The following ZNF385D variants were observed in gnomAD, a reference collection of about 807,000 sequenced individuals.
The protein encoded by ZNF385D is zinc finger protein 385D.
ZNF385D carries 15 observed loss-of-function variants against 35.8 expected under a neutral mutation model. The ratio of observed to expected loss-of-function variants is 0.42; its 90% CI spans 0.28 to 0.64. The LOEUF (loss-of-function observed/expected upper bound fraction) is 0.64, where lower values mean the gene tolerates loss of function less well. Ranked by LOEUF, ZNF385D falls within the 30% of genes least tolerant of loss-of-function variation. The pLI is 0.23. For missense variants in ZNF385D, 474 were observed against 494.6 expected (o/e 0.96, Z 0.39); for synonymous variants, 212 against 186.8 (o/e 1.13, Z -1.10).
intron 2 of ZNF385D, among the ~76,000 whole-genome samples, chr3:21,604,655 C>G (rs1372355799): frequency 2.6e-5 from 4 of 152,044 alleles, no homozygotes; most frequent in African/African-American, 9.7e-5. Context: ...AATAGCGGTT[C>G]TGGTGATGAG....
At chr3:21,731,157 A>G (rs2068978151) in intron 1 of ZNF385D, among the ~76,000 whole-genome samples, 2 of 152,174 alleles carry the variant, frequency 1.3e-5, no homozygotes. Context: ...GTACTTAAGA[A>G]TGGCCCTTCC....
intron 2 of ZNF385D, among the ~76,000 whole-genome samples, chr3:21,566,849 C>G (rs1194595756): frequency 6.6e-6 from 1 of 152,134 alleles, no homozygotes; most frequent in African/African-American, 2.4e-5. Flanking sequence ...TCATTCTCTG[C>G]CTCCTCCTCC....
chr3:22,087,831 C>G (rs946535781), intron 3 of ZNF385D, among the ~76,000 whole-genome samples: 3 of 151,990 alleles, frequency 2.0e-5, no homozygotes, highest in East Asian at 1.9e-4. Flanking sequence ...TTAAAAAAAG[C>G]AGAGTATAGG....
intron 3 of ZNF385D, among the ~76,000 whole-genome samples, chr3:21,796,072 G>C (rs567979706): frequency 6.6e-6 from 1 of 152,224 alleles, no homozygotes; most frequent in South Asian, 2.1e-4. Flanking sequence ...CTTGGCATTT[G>C]GATCTCGACA....
rs1445121712 is a variant in ZNF385D at position 21,986,005 on chromosome 3, G to A, written c.325+182812C>T. On this transcript the variant is annotated intron_variant, in intron 3 of 5. Transcript: ENST00000494108. ...GGTAGTTTGTATTTCTGTGGGATTG[G>A]TGGTGATATCCCCTTTATCATTTTT... Among the ~76,000 whole-genome samples the A allele has an allele frequency of 1.8e-5, 2 of 109,418 alleles. 1 individual carries two copies. The highest frequency in any genetic ancestry group is 3.5e-5 in the Non-Finnish European group (2 of 57,588). The allele number at this position is 109,418 out of a possible 152,430, so 71.8% of individuals were successfully genotyped here.
At chr3:22,171,892 A>T (rs1357259964) in intron 2 of ZNF385D, among the ~76,000 whole-genome samples, 1 of 151,730 alleles carries the variant, frequency 6.6e-6, no homozygotes, top group Non-Finnish European at 1.5e-5. Flanking sequence ...AAAAAAAAAA[A>T]AAAAAAAAAA....
At chr3:21,552,030 G>T (rs911614637) in intron 3 of ZNF385D, among the ~76,000 whole-genome samples, 4 of 152,076 alleles carry the variant, frequency 2.6e-5, no homozygotes, top group Non-Finnish European at 4.4e-5. Flanking sequence ...ATGTAAAAAG[G>T]TTCATAAGGC....
At chr3:22,368,065 GA>G (rs1352803581) in intron 2 of ZNF385D, among the ~76,000 whole-genome samples, 1 of 152,204 alleles carries the variant, frequency 6.6e-6, no homozygotes, top group African/African-American at 2.4e-5. Context: ...GACCTGTTTT[GA>G]AATGCTACAT....
At chr3:21,454,851 GCCCAAAATCGC>G (rs540844158) in intron 4 of ZNF385D, among the ~76,000 whole-genome samples, 69 of 152,238 alleles carry the variant, frequency 4.5e-4, no homozygotes, top group African/African-American at 1.6e-3. Flanking sequence ...CATTGTCTAA[GCCCAAAATCGC>G]CTTAAGCTGA....
At chr3:22,088,347 A>C (rs2170091) in intron 3 of ZNF385D, among the ~76,000 whole-genome samples, 76,840 of 152,034 alleles carry the variant, frequency 0.51, 19,523 homozygotes, top group African/African-American at 0.53. Context: ...TAGCTTCAGA[A>C]ACATTCCAGT....
chr3:21,766,424 T>C (rs2070832803), intron 3 of ZNF385D, among the ~76,000 whole-genome samples: 2 of 152,090 alleles, frequency 1.3e-5, no homozygotes, highest in South Asian at 4.1e-4. Context: ...AATGATGACT[T>C]TGGTTCATGT....
chr3:22,259,324 T>A (rs1167173051), intron 2 of ZNF385D, among the ~76,000 whole-genome samples: 1 of 152,000 alleles, frequency 6.6e-6, no homozygotes, highest in African/African-American at 2.4e-5. Context: ...AAATTCTAAT[T>A]TTTGCATGAA....
At chr3:22,304,294 G>C (rs534678757) in intron 2 of ZNF385D, among the ~76,000 whole-genome samples, 3 of 152,214 alleles carry the variant, frequency 2.0e-5, no homozygotes, top group South Asian at 4.1e-4. Context: ...TGATTTAATA[G>C]ATATGTTGAA....
chr3:21,979,470 T>C (rs1181471753), intron 3 of ZNF385D, among the ~76,000 whole-genome samples: 1 of 152,226 alleles, frequency 6.6e-6, no homozygotes, highest in Non-Finnish European at 1.5e-5. Context: ...TCAGTTACGC[T>C]GGCTCACAAT....
intron 2 of ZNF385D, among the ~76,000 whole-genome samples, chr3:22,179,919 C>T (rs761667251): frequency 9.2e-5 from 14 of 151,922 alleles, no homozygotes; most frequent in Non-Finnish European, 2.1e-4. Flanking sequence ...TAGCAGAAGG[C>T]AAGAAATAAC....
At chr3:22,256,166 T>TATATAC (rs139281179) in intron 2 of ZNF385D, among the ~76,000 whole-genome samples, 228 of 151,198 alleles carry the variant, frequency 1.5e-3, no homozygotes, top group African/African-American at 3.2e-3. Flanking sequence ...CGTCAGCATA[T>TATATAC]ATATACATAT....
intron 3 of ZNF385D, among the ~76,000 whole-genome samples, chr3:22,124,892 C>T (rs373304776): frequency 2.0e-5 from 3 of 152,132 alleles, no homozygotes; most frequent in East Asian, 3.9e-4. Context: ...TTGACTGTTT[C>T]CTTGGCTGCA....
At chr3:21,483,976 A>T (rs35903384) in intron 4 of ZNF385D, among the ~76,000 whole-genome samples, 3,409 of 152,248 alleles carry the variant, frequency 0.022, 45 homozygotes, top group Non-Finnish European at 0.034. Context: ...TCAGGGTCCA[A>T]TCAAAAAAGA....
chr3:21,656,227 T>C (rs549107837), intron 2 of ZNF385D, among the ~76,000 whole-genome samples: 6 of 152,106 alleles, frequency 3.9e-5, no homozygotes, highest in Admixed American at 6.6e-5. Flanking sequence ...CAAGTGTGGG[T>C]AGGCAGATCA....
Sources: allele counts gnomAD v4.1 joint callset (sites outside exome capture counted in the v4.1 genomes callset), GRCh38; gene constraint gnomAD v4.1.1; transcripts MANE v1.5; gene names NCBI Gene and HGNC (gene_info 2026-07-23, HGNC 2026-07-21).